SH3GL2: variants seen among roughly 807,000 people sequenced by gnomAD.
SH3GL2 encodes the protein endophilin-A1.
In SH3GL2, 24 loss-of-function variants were observed where a neutral mutation model predicts 46.0. The observed-to-expected ratio is 0.52, with a 90% CI of 0.38 to 0.73. The LOEUF (loss-of-function observed/expected upper bound fraction) is 0.73. SH3GL2 is among the 30% of genes least tolerant of loss of function. The pLI, the probability that SH3GL2 is intolerant of heterozygous loss-of-function variation, is 0.00. For missense variants in SH3GL2, 413 were observed against 424.2 expected, an observed-to-expected ratio of 0.97 and a Z score of 0.23; for synonymous variants, 196 against 147.1, an observed-to-expected ratio of 1.33 and a Z score of -2.40.
At chr9:17,597,427 G>C (rs1818594718) in intron 1 of SH3GL2, among the ~76,000 whole-genome samples, 1 of 151,868 alleles carries the variant, frequency 6.6e-6, no homozygotes, top group African/African-American at 2.4e-5. Flanking sequence ...CGAGGCAGGA[G>C]AATCGCTTTA....
intron 1 of SH3GL2, among the ~76,000 whole-genome samples, chr9:17,638,024 G>A (rs1181858648): frequency 6.6e-6 from 1 of 152,058 alleles, no homozygotes; most frequent in Non-Finnish European, 1.5e-5. Context: ...GGGCATGGTG[G>A]CAGGCGCCTG....
intron 1 of SH3GL2, among the ~76,000 whole-genome samples, chr9:17,724,534 G>A (rs899500732): frequency 1.9e-4 from 29 of 151,934 alleles, no homozygotes; most frequent in Admixed American, 5.3e-4. Flanking sequence ...CCCTCCCCCC[G>A]TGTATGTGTC....
chr9:17,747,594 T>G lies in SH3GL2; in HGVS notation c.114+460T>G, dbSNP rs186453777. On this transcript the variant is annotated intron_variant, in intron 2 of 8. Transcript: ENST00000380607. Reference sequence around the variant, plus strand: ...ATACAGTTTTAGAGCTTGTCCAACCTTGGCCCAAACTCCCCTTCCTGCCAT... The same window carrying G: ...ATACAGTTTTAGAGCTTGTCCAACCGTGGCCCAAACTCCCCTTCCTGCCAT... 7.6e-3 allele frequency among the ~76,000 whole-genome samples: 1,155 copies of G among 152,318 alleles called. 7 individuals carry two copies. The highest frequency in any genetic ancestry group is 9.4e-3 in the Non-Finnish European group (637 of 68,032).
chr9:17,726,221 C>T (rs565612333), intron 1 of SH3GL2, among the ~76,000 whole-genome samples: 2 of 152,020 alleles, frequency 1.3e-5, no homozygotes, highest in Non-Finnish European at 2.9e-5. Context: ...CCCTTCTTGG[C>T]GTGGTTTTTT....
intron 3 of SH3GL2, among the ~76,000 whole-genome samples, chr9:17,775,206 C>G (rs1823608159): frequency 6.6e-6 from 1 of 151,854 alleles, no homozygotes; most frequent in Non-Finnish European, 1.5e-5. Flanking sequence ...AAATGTTTGT[C>G]AATTTTGTTG....
At chr9:17,789,843 C>G (rs976658151) in intron 6 of SH3GL2, 5 of 833,152 alleles carry the variant, frequency 6.0e-6, no homozygotes, top group African/African-American at 3.7e-5. Context: ...TGTAATTTAT[C>G]GAATAACGCA....
chr9:17,588,832 A>G (rs902394407), intron 1 of SH3GL2, among the ~76,000 whole-genome samples: 1 of 152,240 alleles, frequency 6.6e-6, no homozygotes, highest in Admixed American at 6.5e-5. Context: ...GTTATACAAC[A>G]GCTGAAAATG....
At chr9:17,683,386 C>T (rs75552451) in intron 1 of SH3GL2, among the ~76,000 whole-genome samples, 4,953 of 152,110 alleles carry the variant, frequency 0.033, 307 homozygotes, top group African/African-American at 0.11. Flanking sequence ...CCCTGTTTCT[C>T]TTGTGGAACA....
chr9:17,793,252 T>A, intron 7 of SH3GL2, 115 bp from the exon 8 acceptor site: 3 of 919,182 alleles, frequency 3.3e-6, no homozygotes, highest in Non-Finnish European at 4.9e-6. Flanking sequence ...TTTCCCACAC[T>A]TCATCATGGT....
intron 1 of SH3GL2, among the ~76,000 whole-genome samples, chr9:17,630,961 T>G (rs1275251822): frequency 6.6e-6 from 1 of 151,870 alleles, no homozygotes; most frequent in East Asian, 1.9e-4. Flanking sequence ...ATGTGAGTGT[T>G]CAGCATAAGG....
At chr9:17,722,003 T>C (rs1821906323) in intron 1 of SH3GL2, among the ~76,000 whole-genome samples, 1 of 152,042 alleles carries the variant, frequency 6.6e-6, no homozygotes, top group Non-Finnish European at 1.5e-5. Context: ...CTGAGACACA[T>C]GTATGATTTT....
At chr9:17,730,494 T>A (rs1313715764) in intron 1 of SH3GL2, among the ~76,000 whole-genome samples, 1 of 152,166 alleles carries the variant, frequency 6.6e-6, no homozygotes, top group African/African-American at 2.4e-5. Flanking sequence ...TCCAATACTA[T>A]GTTGAATAGG....
intron 1 of SH3GL2, among the ~76,000 whole-genome samples, chr9:17,585,623 G>A (rs1818361081): frequency 6.6e-6 from 1 of 152,206 alleles, no homozygotes; most frequent in Non-Finnish European, 1.5e-5. Flanking sequence ...TGGGAAACAG[G>A]TGGGAGCAGA....
At chr9:17,644,873 ATCCTTGT>A (rs1209088541) in intron 1 of SH3GL2, among the ~76,000 whole-genome samples, 3 of 151,974 alleles carry the variant, frequency 2.0e-5, no homozygotes. Flanking sequence ...AGTCGTGAAT[ATCCTTGT>A]TAATTTTCTG....
intron 1 of SH3GL2, among the ~76,000 whole-genome samples, chr9:17,685,255 T>A (rs1820873188): frequency 6.6e-6 from 1 of 152,092 alleles, no homozygotes; most frequent in South Asian, 2.1e-4. Context: ...CATGTTTGCA[T>A]GAAAACCCCT....
At chr9:17,717,430 A>C (rs1301187245) in intron 1 of SH3GL2, among the ~76,000 whole-genome samples, 1 of 152,054 alleles carries the variant, frequency 6.6e-6, no homozygotes, top group African/African-American at 2.4e-5. Flanking sequence ...CTCTTATTTG[A>C]GGGCTTTTGC....
intron 1 of SH3GL2, among the ~76,000 whole-genome samples, chr9:17,643,426 A>C (rs558393305): frequency 6.6e-6 from 1 of 152,156 alleles, no homozygotes; most frequent in Admixed American, 6.5e-5. Context: ...ACTATGTTGA[A>C]TAGGAGTGGT....
chr9:17,748,440 G>C (rs1295026908), intron 2 of SH3GL2, among the ~76,000 whole-genome samples: 3 of 152,080 alleles, frequency 2.0e-5, no homozygotes, highest in Non-Finnish European at 4.4e-5. Flanking sequence ...AAGTTTTTTA[G>C]GGACTGGATA....
intron 2 of SH3GL2, among the ~76,000 whole-genome samples, chr9:17,759,366 G>A (rs2131148658): frequency 6.6e-6 from 1 of 152,332 alleles, no homozygotes; most frequent in Non-Finnish European, 1.5e-5. Context: ...ACCGGCTACT[G>A]CCAGGTCCCC....
Sources: gnomAD v4.1 joint callset for allele counts (sites outside exome capture counted in the v4.1 genomes callset) on GRCh38, gnomAD v4.1.1 for gene constraint, MANE v1.5 for transcripts, NCBI Gene and HGNC (gene_info 2026-07-23, HGNC 2026-07-21) for gene names.